Variants in NOX3 observed in about 807,000 individuals in gnomAD.
The protein encoded by NOX3 is NADPH oxidase 3.
A neutral mutation model predicts 76.7 loss-of-function variants in NOX3; 74 were observed. The observed-to-expected ratio is 0.96, with a 90% CI of 0.80 to 1.17. The LOEUF is 1.17. Among genes scored for constraint, NOX3 ranks in the 50% most tolerant of loss-of-function variants. NOX3 has a pLI of 0.00. For synonymous variants in NOX3, 263 were observed against 261.1 expected (o/e 1.01, Z -0.07); for missense variants, 695 against 703.3 (o/e 0.99, Z 0.13).
intron 11 of NOX3, 60 bp downstream of exon 11, chr6:155,411,154 T>C (rs909079210): frequency 1.4e-6 from 2 of 1,446,618 alleles, no homozygotes; most frequent in Non-Finnish European, 1.9e-6. Flanking sequence ...ATTGAAATTG[T>C]TCCTCATTGC....
chr6:155,455,619 T>A (rs141836559), intron 1 of NOX3, 134 bp downstream of exon 1: 1 of 610,976 alleles, frequency 1.6e-6, no homozygotes, highest in East Asian at 2.8e-5. Flanking sequence ...ATCTACTGAA[T>A]GTTTTCTAAC....
In NOX3 at chr6:155,415,018, C is replaced by T. The variant is rs79348025; in HGVS notation, c.1309-3658G>A. Among the ~76,000 whole-genome samples the T allele has an allele frequency of 9.0e-3, 1,365 of 152,160 alleles. 10 individuals carry two copies. Among genetic ancestry groups the T allele is most frequent in the Non-Finnish European group, 0.014 (947 of 68,008 alleles). On this transcript the variant is annotated intron_variant, in intron 10 of 13. Coordinates refer to ENST00000159060, the MANE Select transcript of NOX3 (RefSeq NM_015718.3). ...TGAGGGTTTCTGTGTGCATGTGGCC[C>T]GTCATAGACCTTAGTTTCACATCAT...
intron 4 of NOX3, among the ~76,000 whole-genome samples, chr6:155,446,822 T>C (rs1293795611): frequency 6.6e-6 from 1 of 152,034 alleles, no homozygotes; most frequent in Non-Finnish European, 1.5e-5. Context: ...TGACCCTTAC[T>C]CCTCTCCTCC....
intron 9 of NOX3, among the ~76,000 whole-genome samples, chr6:155,424,194 C>T (rs1776727962): frequency 6.6e-6 from 1 of 152,156 alleles, no homozygotes; most frequent in African/African-American, 2.4e-5. Context: ...ATGTTTCCCT[C>T]CTCTATAGTC....
intron 4 of NOX3, among the ~76,000 whole-genome samples, chr6:155,445,981 C>CTATA (rs61040526): frequency 0.26 from 26,728 of 103,292 alleles, 3,019 homozygotes; most frequent in South Asian, 0.36. Flanking sequence ...TATATATATG[C>CTATA]TATATATATA....
intron 12 of NOX3, among the ~76,000 whole-genome samples, chr6:155,402,927 G>A (rs17086260): frequency 0.023 from 3,560 of 152,298 alleles, 85 homozygotes; most frequent in African/African-American, 0.059. Context: ...CAAAAGATAT[G>A]AGCTAACGAC....
At chr6:155,396,539 C>T (rs367817942) in intron 13 of NOX3, among the ~76,000 whole-genome samples, 4 of 152,052 alleles carry the variant, frequency 2.6e-5, no homozygotes, top group Admixed American at 6.6e-5. Context: ...GGTCGATGTG[C>T]GAAAAGTGAC....
chr6:155,402,780 A>C (rs1263114203), intron 12 of NOX3, among the ~76,000 whole-genome samples: 2 of 152,194 alleles, frequency 1.3e-5, no homozygotes, highest in South Asian at 4.1e-4. Context: ...TATTTTTGAA[A>C]GAGTAAGTCC....
At chr6:155,433,258 C>A (rs186679485) in intron 7 of NOX3, among the ~76,000 whole-genome samples, 4 of 152,214 alleles carry the variant, frequency 2.6e-5, no homozygotes, top group African/African-American at 7.2e-5. Flanking sequence ...TAGCCAGTGT[C>A]GTTACCTGTG....
intron 10 of NOX3, among the ~76,000 whole-genome samples, chr6:155,415,218 G>A (rs1245309721): frequency 8.5e-5 from 13 of 152,180 alleles, no homozygotes; most frequent in Admixed American, 8.5e-4. Context: ...AGGTCAAAGA[G>A]GTCTGGGGCC....
chr6:155,412,930 T>A (rs1776573566), intron 10 of NOX3, among the ~76,000 whole-genome samples: 1 of 152,188 alleles, frequency 6.6e-6, no homozygotes, highest in Non-Finnish European at 1.5e-5. Context: ...ATAGGTTATG[T>A]CAGATGGTGA....
chr6:155,420,954 G>C (rs957573052), intron 10 of NOX3, among the ~76,000 whole-genome samples: 6 of 152,184 alleles, frequency 3.9e-5, no homozygotes, highest in Admixed American at 3.9e-4. Flanking sequence ...AAAACTCCCT[G>C]TTGGATATGG....
At chr6:155,438,777 A>G (rs1186897588) in intron 6 of NOX3, among the ~76,000 whole-genome samples, 2 of 152,210 alleles carry the variant, frequency 1.3e-5, no homozygotes, top group African/African-American at 4.8e-5. Context: ...GCAGAGTCGG[A>G]GGCCACCTCC....
chr6:155,448,132 A>G (rs770915724), intron 4 of NOX3, among the ~76,000 whole-genome samples: 5 of 152,208 alleles, frequency 3.3e-5, no homozygotes, highest in African/African-American at 4.8e-5. Context: ...AACTTCTTTT[A>G]GGCCCTTTTT....
At chr6:155,401,099 G>T (rs1779220182) in intron 12 of NOX3, among the ~76,000 whole-genome samples, 1 of 152,080 alleles carries the variant, frequency 6.6e-6, no homozygotes. Flanking sequence ...CAAATATTTT[G>T]CCAAACTAAT....
chr6:155,455,789 G>T lies in NOX3; in HGVS notation c.12C>A (p.Cys4Ter). The T allele has an allele frequency of 6.2e-7, 1 of 1,613,838 alleles. No homozygotes were observed. Among genetic ancestry groups the T allele is most frequent in the Non-Finnish European group, 8.5e-7 (1 of 1,179,768 alleles). The change falls in exon 1 of 14, where the codon TGC (cysteine) becomes TGA (stop). Residue 4 changes from cysteine (C) to a stop codon, truncating the protein, a stop_gained. Transcript: ENST00000159060. LOFTEE classifies it high-confidence loss of function. ...TGGAGAGACCCTCATTCAAAATCCA[G>T]CACCCCATCATGATACTTGTTGCTC... The part of the protein sequence containing the change: MMG[C>*]WILNEGLSTI...
chr6:155,427,625 G>T lies in NOX3; in HGVS notation c.1145+1169C>A, dbSNP rs140558972. ...TGCTCATGACAGTGGCTGCTTCTTG[G>T]TAGTTCCTGATACCCTCCAAGGATG... On this transcript the variant is annotated intron_variant, in intron 9 of 13. Coordinates refer to ENST00000159060, the MANE Select transcript of NOX3 (RefSeq NM_015718.3). Among the ~76,000 whole-genome samples, 1,093 of 152,274 alleles carry T rather than the reference G, an allele frequency of 7.2e-3. 12 individuals carry two copies. Among genetic ancestry groups the T allele is most frequent in the African/African-American group, 0.023 (963 of 41,548 alleles).
intron 5 of NOX3, 71 bp from the exon 6 acceptor site, chr6:155,440,208 TA>T (rs1327607905): frequency 3.9e-6 from 5 of 1,277,042 alleles, no homozygotes; most frequent in East Asian, 2.5e-5. Flanking sequence ...TATCCTGGCA[TA>T]TTTTTTTTTT....
rs866817389 is a variant in NOX3, at chr6:155,426,994, T to C, written c.1145+1800A>G. On this transcript the variant is annotated intron_variant, in intron 9 of 13. Transcript: ENST00000159060. ...AGTTAGACACTGTGGCGTGTGTGTGTGTGTGTGTGTGTGTGTGTGTGTGTG... is the reference window on the plus strand; with the variant it reads ...AGTTAGACACTGTGGCGTGTGTGTGCGTGTGTGTGTGTGTGTGTGTGTGTG... 4.7e-3 allele frequency among the ~76,000 whole-genome samples: 531 copies of C among 112,160 alleles called. 19 individuals carry two copies. The highest frequency in any genetic ancestry group is 0.016 in the African/African-American group (413 of 26,136). The allele number at this position is 112,160 out of a possible 152,430, so 73.6% of individuals were successfully genotyped here.
Sources: allele counts gnomAD v4.1 joint callset (sites outside exome capture counted in the v4.1 genomes callset), GRCh38; gene constraint gnomAD v4.1.1; transcripts MANE v1.5; gene names NCBI Gene and HGNC (gene_info 2026-07-23, HGNC 2026-07-21).